The following NUDC variants were observed in gnomAD, a reference collection of about 807,000 sequenced individuals.
NUDC encodes the protein nuclear distribution C, dynein complex regulator, also known as nuclear migration protein nudC.
Under a neutral mutation model 45.0 loss-of-function variants are expected in NUDC, and 14 were observed. The observed-to-expected ratio is 0.31, with a 90% CI of 0.21 to 0.49. NUDC has a LOEUF of 0.49. Among genes scored for constraint, NUDC ranks in the 20% least tolerant of loss-of-function variants. NUDC has a pLI of 0.99. For missense variants in NUDC, 323 were observed against 426.2 expected, an observed-to-expected ratio of 0.76 and a Z score of 2.13; for synonymous variants, 153 against 156.7, an observed-to-expected ratio of 0.98 and a Z score of 0.17.
rs202150278 is a variant in NUDC at position 26,913,738 on chromosome 1, G to A, written c.93+2503G>A. ...GAAGGATGGCAGGTTCCTGAGGAAG[G>A]CCACTGTCTTGGCCAGAACATCCAA... is the stretch of plus-strand genomic sequence containing the variant. On this transcript the variant is annotated intron_variant, in intron 3 of 6. Transcript: ENST00000435827. 56 of 1,603,724 alleles carry A rather than the reference G, an allele frequency of 3.5e-5. No homozygotes were observed. The Admixed American group carries it at 6.2e-4, about 18-fold the overall frequency.
At chr1:26,902,092 A>G (rs2081981804) in intron 1 of NUDC, among the ~76,000 whole-genome samples, 1 of 152,230 alleles carries the variant, frequency 6.6e-6, no homozygotes, top group Admixed American at 6.5e-5. Context: ...TCTGGAACAC[A>G]GCATATTGCA....
chr1:26,926,769 T>G (rs1369497278), intron 2 of NUDC, among the ~76,000 whole-genome samples: 1 of 152,060 alleles, frequency 6.6e-6, no homozygotes, highest in Admixed American at 6.6e-5. Context: ...CCTGGCTAAT[T>G]TTGTATTTTT....
chr1:26,935,824 A>C (rs1183122528), intron 2 of NUDC, among the ~76,000 whole-genome samples: 4 of 151,846 alleles, frequency 2.6e-5, no homozygotes, highest in Non-Finnish European at 5.9e-5. Flanking sequence ...ACCTCAAACA[A>C]AGACAAAAAC....
At chr1:26,932,359 A>G (rs2082190672) in intron 2 of NUDC, among the ~76,000 whole-genome samples, 1 of 151,706 alleles carries the variant, frequency 6.6e-6, no homozygotes. Flanking sequence ...GTATTTTTAC[A>G]ATGTAGAGAT....
intron 6 of NUDC, among the ~76,000 whole-genome samples, chr1:26,944,757 A>G (rs1401928452): frequency 6.6e-6 from 1 of 150,966 alleles, no homozygotes; most frequent in East Asian, 2.0e-4. Flanking sequence ...AGCTGACTGC[A>G]CCACTGCACA....
chr1:26,919,768 A>G (rs571230767), upstream of NUDC, among the ~76,000 whole-genome samples: 9 of 152,338 alleles, frequency 5.9e-5, no homozygotes, highest in East Asian at 1.5e-3. Flanking sequence ...GGCATCTCTG[A>G]TATCACCTGA....
chr1:26,936,142 T>C (rs2082228679), intron 2 of NUDC, among the ~76,000 whole-genome samples: 1 of 6,538 alleles, frequency 1.5e-4, no homozygotes, highest in Non-Finnish European at 4.4e-4. Flanking sequence ...CTAATATATA[T>C]ATATATATAT....
At chr1:26,900,706 A>G (rs1002515077) in intron 1 of NUDC, among the ~76,000 whole-genome samples, 4 of 152,152 alleles carry the variant, frequency 2.6e-5, no homozygotes, top group Non-Finnish European at 5.9e-5. Flanking sequence ...AGCCTGCGGG[A>G]GGGGTCATTT....
At chr1:26,902,200 C>T (rs1467247487) in intron 1 of NUDC, 1 of 152,192 alleles carries the variant, frequency 6.6e-6, no homozygotes, top group Non-Finnish European at 1.5e-5. Flanking sequence ...TTCCAAATCT[C>T]CTCATGAAAG....
chr1:26,904,943 TCTC>T (rs2081996231), intron 2 of NUDC, among the ~76,000 whole-genome samples: 4 of 150,970 alleles, frequency 2.6e-5, no homozygotes, highest in Admixed American at 2.0e-4. Flanking sequence ...TTCAAGTGAT[TCTC>T]CTGCATCAGC....
At chr1:26,933,234 C>T (rs1303218144) in intron 2 of NUDC, among the ~76,000 whole-genome samples, 1 of 151,540 alleles carries the variant, frequency 6.6e-6, no homozygotes, top group African/African-American at 2.4e-5. Context: ...CGCCCGGCCA[C>T]AATTTTTTTT....
At chr1:26,934,139 G>A (rs557955190) in intron 2 of NUDC, among the ~76,000 whole-genome samples, 1 of 152,312 alleles carries the variant, frequency 6.6e-6, no homozygotes, top group East Asian at 1.9e-4. Flanking sequence ...TCGAGAGAGC[G>A]AGACTCCGTC....
upstream of NUDC, among the ~76,000 whole-genome samples, chr1:26,918,987 G>A (rs1463384594): frequency 6.6e-6 from 1 of 151,866 alleles, no homozygotes; most frequent in Non-Finnish European, 1.5e-5. Flanking sequence ...CATGTTGGCC[G>A]GGCTGCTCTT....
At position 26,945,579 on chromosome 1, in the gene NUDC, G is replaced by C; in HGVS notation, c.837G>C (p.Leu279=). 1.2e-6 allele frequency: 2 copies of C among 1,614,118 alleles called. No homozygotes were observed. Among genetic ancestry groups the C allele is most frequent in the Non-Finnish European group, 1.7e-6 (2 of 1,179,950 alleles). The change falls in exon 8 of 9, where the codon CTG becomes CTC. Residue 279 remains leucine (L), a synonymous_variant. Coordinates refer to ENST00000321265, the MANE Select transcript of NUDC (RefSeq NM_006600.4). ...CTGCCTGCCCTCAGCTGTCAGACCT[G>C]GACAGTGAGACTCGCAGCATGGTGG... ...INPENSKLSD[L]DSETRSMVEK...
chr1:26,920,376 T>C (rs1352669540), upstream of NUDC, among the ~76,000 whole-genome samples: 1 of 151,744 alleles, frequency 6.6e-6, no homozygotes, highest in East Asian at 1.9e-4. Flanking sequence ...TAATCCCAGC[T>C]ACTTGGGAGG....
chr1:26,923,767 G>C (rs12752711), intron 1 of NUDC, among the ~76,000 whole-genome samples: 10,189 of 152,178 alleles, frequency 0.067, 375 homozygotes, highest in Non-Finnish European at 0.078. Context: ...CCAGTGTCTT[G>C]ATGGGCTTTT....
At chr1:26,943,098 G>A (rs1468211487) in intron 6 of NUDC, 33 bp downstream of exon 6, 2 of 1,608,450 alleles carry the variant, frequency 1.2e-6, no homozygotes, top group Non-Finnish European at 8.5e-7. Flanking sequence ...AGCCTGGGGT[G>A]TTGATGGAAG....
chr1:26,921,616 C>A, upstream of NUDC: 3 of 589,266 alleles, frequency 5.1e-6, no homozygotes, highest in Non-Finnish European at 9.1e-6. Flanking sequence ...CTCCGAATGT[C>A]GACCAATGGT....
chr1:26,905,633 C>G (rs1179648166), intron 2 of NUDC, among the ~76,000 whole-genome samples: 2 of 152,058 alleles, frequency 1.3e-5, no homozygotes, highest in Non-Finnish European at 2.9e-5. Flanking sequence ...CCGTTGCAGC[C>G]CCGAGTTCCC....
Sources: allele counts gnomAD v4.1 joint callset (sites outside exome capture counted in the v4.1 genomes callset), GRCh38; gene constraint gnomAD v4.1.1; transcripts MANE v1.5; gene names NCBI Gene and HGNC (gene_info 2026-07-23, HGNC 2026-07-21).